CACNA2D3: variants seen among roughly 807,000 people sequenced by gnomAD.
CACNA2D3 encodes the protein calcium voltage-gated channel auxiliary subunit alpha2delta 3, also known as voltage-dependent calcium channel subunit alpha-2/delta-3.
CACNA2D3 carries 60 observed loss-of-function variants against 160.6 expected under a neutral mutation model. The ratio of observed to expected loss-of-function variants is 0.37; its 90% CI spans 0.30 to 0.46. CACNA2D3 has a LOEUF of 0.46. CACNA2D3 is among the 20% of genes least tolerant of loss of function. The pLI is 1.00. For synonymous variants in CACNA2D3, 558 were observed against 492.9 expected (o/e 1.13, Z -1.75); for missense variants, 1,205 against 1,365.0 (o/e 0.88, Z 1.85).
intron 27 of CACNA2D3, among the ~76,000 whole-genome samples, chr3:54,965,393 C>T (rs114390688): frequency 6.6e-6 from 1 of 152,150 alleles, no homozygotes. Context: ...TTACTGTTTC[C>T]TCCATTTGGA....
At chr3:54,316,273 G>A (rs930035172) in intron 2 of CACNA2D3, among the ~76,000 whole-genome samples, 1 of 152,092 alleles carries the variant, frequency 6.6e-6, no homozygotes, top group African/African-American at 2.4e-5. Context: ...TTCTACTGTA[G>A]GTACCTTTTC....
intron 35 of CACNA2D3, among the ~76,000 whole-genome samples, chr3:55,050,220 A>C (rs1278226031): frequency 6.7e-6 from 1 of 149,816 alleles, no homozygotes; most frequent in Middle Eastern, 3.4e-3. Flanking sequence ...ACATTTTGGC[A>C]TGATTTTGCA....
At chr3:54,328,295 T>G (rs1164993182) in intron 3 of CACNA2D3, among the ~76,000 whole-genome samples, 2 of 152,274 alleles carry the variant, frequency 1.3e-5, no homozygotes, top group East Asian at 3.9e-4. Flanking sequence ...GTTTTTTTGG[T>G]TTTGAGACGC....
At chr3:54,409,051 A>T (rs546679301) in intron 4 of CACNA2D3, among the ~76,000 whole-genome samples, 1 of 152,220 alleles carries the variant, frequency 6.6e-6, no homozygotes, top group African/African-American at 2.4e-5. Context: ...TATTCTTCCA[A>T]CAAATACAGA....
chr3:54,336,004 CAAAA>C (rs60465412), intron 3 of CACNA2D3, among the ~76,000 whole-genome samples: 1,953 of 74,496 alleles, frequency 0.026, 46 homozygotes, highest in African/African-American at 0.093. Context: ...GACTCCGTCT[CAAAA>C]AAAAAAAAAA....
At chr3:54,772,146 T>A (rs1465161913) in intron 13 of CACNA2D3, among the ~76,000 whole-genome samples, 1 of 149,058 alleles carries the variant, frequency 6.7e-6, no homozygotes, top group African/African-American at 2.5e-5. Flanking sequence ...AAGTATTTGT[T>A]GATTATCTAG....
chr3:55,000,328 G>A (rs1702953235), intron 31 of CACNA2D3, among the ~76,000 whole-genome samples: 1 of 152,152 alleles, frequency 6.6e-6, no homozygotes, highest in African/African-American at 2.4e-5. Flanking sequence ...GTCCAAGTGT[G>A]GAGAAGACAG....
At chr3:54,851,386 C>T (rs1164209240) in intron 17 of CACNA2D3, among the ~76,000 whole-genome samples, 2 of 152,156 alleles carry the variant, frequency 1.3e-5, no homozygotes, top group South Asian at 2.1e-4. Flanking sequence ...AGGTAAATAT[C>T]CTCATGTTAC....
chr3:54,381,743 C>G (rs1699106383), intron 3 of CACNA2D3, among the ~76,000 whole-genome samples: 1 of 152,176 alleles, frequency 6.6e-6, no homozygotes, highest in African/African-American at 2.4e-5. Flanking sequence ...CCCCGCTATT[C>G]CCCTTGGCAG....
chr3:54,518,188 C>T (rs912898424), intron 5 of CACNA2D3, among the ~76,000 whole-genome samples: 7 of 152,228 alleles, frequency 4.6e-5, no homozygotes, highest in South Asian at 4.1e-4. Flanking sequence ...AGCGTGGTTA[C>T]GAGTGGTGGT....
intron 11 of CACNA2D3, among the ~76,000 whole-genome samples, chr3:54,682,273 C>G (rs1473433947): frequency 6.6e-6 from 1 of 151,946 alleles, no homozygotes; most frequent in Non-Finnish European, 1.5e-5. Flanking sequence ...TAATTATATG[C>G]AGACTTAAAG....
chr3:54,804,904 A>G (rs547163743), intron 13 of CACNA2D3, among the ~76,000 whole-genome samples: 3 of 152,344 alleles, frequency 2.0e-5, no homozygotes, highest in South Asian at 4.1e-4. Context: ...AACTCACTCA[A>G]AATGGCTCAA....
At chr3:54,479,074 G>A (rs1700890111) in intron 4 of CACNA2D3, among the ~76,000 whole-genome samples, 1 of 151,998 alleles carries the variant, frequency 6.6e-6, no homozygotes, top group African/African-American at 2.4e-5. Flanking sequence ...CCCAGTGGGA[G>A]GCAACTGAAT....
chr3:54,412,471 A>G (rs995275770), intron 4 of CACNA2D3, among the ~76,000 whole-genome samples: 2 of 151,888 alleles, frequency 1.3e-5, no homozygotes, highest in East Asian at 3.9e-4. Context: ...TTATCATTTT[A>G]TCTTTTAGAT....
intron 23 of CACNA2D3, among the ~76,000 whole-genome samples, chr3:54,885,998 C>T (rs538822930): frequency 1.1e-4 from 16 of 152,284 alleles, no homozygotes; most frequent in African/African-American, 2.4e-4. Context: ...AGGGTCACGA[C>T]GGGGACACGT....
chr3:54,498,126 A>G (rs1053971266), intron 4 of CACNA2D3, among the ~76,000 whole-genome samples: 2 of 151,178 alleles, frequency 1.3e-5, no homozygotes, highest in South Asian at 4.2e-4. Flanking sequence ...TTCTCCTCTA[A>G]TTTTCCTAAA....
intron 30 of CACNA2D3, among the ~76,000 whole-genome samples, chr3:54,985,804 G>A (rs1702601453): frequency 1.3e-5 from 2 of 152,168 alleles, no homozygotes; most frequent in South Asian, 4.1e-4. Context: ...GAAACTTGAG[G>A]AATTGTGCTT....
At chr3:54,241,891 A>G (rs1009903065) in intron 2 of CACNA2D3, among the ~76,000 whole-genome samples, 3 of 152,206 alleles carry the variant, frequency 2.0e-5, no homozygotes, top group South Asian at 2.1e-4. Context: ...CATCTAAAAT[A>G]TGATGATGAT....
In CACNA2D3 at chr3:54,736,096, T is replaced by TATAC. The variant is rs1553814398; in HGVS notation, c.1168-16499_1168-16496dup. 5.1e-3 allele frequency among the ~76,000 whole-genome samples: 101 copies of TATAC among 19,640 alleles called. 23 individuals carry two copies. Among genetic ancestry groups the TATAC allele is most frequent in the South Asian group, 0.021 (15 of 704 alleles). 12.9% of individuals were successfully genotyped at this position (19,640 alleles called of 152,430 possible). Reference sequence around the variant, plus strand: ...ATACATATATATGTATGTGTATATATATACATATATATGTATATATATACA... The same window carrying TATAC: ...ATACATATATATGTATGTGTATATATATACATACATATATATGTATATATATACA... On this transcript the variant is annotated intron_variant, in intron 11 of 37. Transcript: ENST00000474759.
Sources: allele counts gnomAD v4.1 joint callset (sites outside exome capture counted in the v4.1 genomes callset), GRCh38; gene constraint gnomAD v4.1.1; transcripts MANE v1.5; gene names NCBI Gene and HGNC (gene_info 2026-07-23, HGNC 2026-07-21).